Variants in PTPN13 observed in about 807,000 individuals in gnomAD.
PTPN13 encodes the protein protein tyrosine phosphatase non-receptor type 13.
Under a neutral mutation model 284.0 loss-of-function variants are expected in PTPN13, and 191 were observed. The observed-to-expected ratio is 0.67, with a 90% confidence interval of 0.60 to 0.76. The LOEUF (loss-of-function observed/expected upper bound fraction) is 0.76, where lower values mean the gene tolerates loss of function less well. PTPN13 is among the 30% of genes least tolerant of loss of function. The pLI, the probability that PTPN13 is intolerant of heterozygous loss-of-function variation, is 0.00. For missense variants in PTPN13, 2,797 were observed against 2,939.9 expected, an observed-to-expected ratio of 0.95 and a Z score of 1.12; for synonymous variants, 986 against 1,022.3, an observed-to-expected ratio of 0.96 and a Z score of 0.68.
At chr4:86,751,883 C>T (rs1737422928) in intron 19 of PTPN13, among the ~76,000 whole-genome samples, 1 of 151,882 alleles carries the variant, frequency 6.6e-6, no homozygotes, top group Non-Finnish European at 1.5e-5. Flanking sequence ...TTCAAATTCT[C>T]CCAGATAGCA....
In PTPN13 at chr4:86,701,833, T is replaced by C. The variant is rs199599085; in HGVS notation, c.1195+32T>C. On this transcript the variant is annotated intron_variant, in intron 7 of 47. Coordinates refer to ENST00000411767, the MANE Select transcript of PTPN13 (RefSeq NM_080683.3). ...AATTCTGTGCATGTTTGAGAAAGAA[T>C]TGAAGTATTTTAAATATTTTTTTGA... 1,440 of 1,528,780 alleles carry C rather than the reference T, an allele frequency of 9.4e-4. 7 individuals carry two copies. The African/African-American group carries it at 0.018, about 19-fold the overall frequency. 94.7% of individuals were successfully genotyped at this position (1,528,780 alleles called of 1,614,324 possible).
Position 86,772,926 on chromosome 4 carries a change from G to A in PTPN13, c.5317G>A (p.Asp1773Asn). ...AGAAAACTGGACACCTTTGAAAAAT[G>A]ACTTGGAAAATCACCTTGAAGACTT... ...RQENWTPLKN[D>N]LENHLEDFEL... The change falls in exon 32 of 48, where the codon GAC becomes AAC. Residue 1773 changes from aspartate to asparagine, a missense_variant. By Grantham distance (23) the Asp-to-Asn change is conservative. Transcript: ENST00000411767. 1 of 1,605,292 alleles carries A rather than the reference G, an allele frequency of 6.2e-7. No individual in the cohort carries two copies. The highest frequency in any genetic ancestry group is 2.2e-5 in the East Asian group (1 of 44,568).
chr4:86,667,419 TA>T (rs1727205910), intron 2 of PTPN13, among the ~76,000 whole-genome samples: 1 of 152,146 alleles, frequency 6.6e-6, no homozygotes, highest in South Asian at 2.1e-4. Context: ...TTTTTTTAAG[TA>T]GTAACAAAAC....
intron 32 of PTPN13, among the ~76,000 whole-genome samples, chr4:86,773,798 A>G (rs2149281547): frequency 6.6e-6 from 1 of 151,894 alleles, no homozygotes; most frequent in Non-Finnish European, 1.5e-5. Flanking sequence ...AATAATCTTT[A>G]ATTTTTCTTA....
Position 86,796,930 on chromosome 4 carries a change from G to A in PTPN13, c.6401+1G>A. The stretch of plus-strand genomic sequence containing the variant: ...GTGAAGAAAAAGTAAAAAGTGAAAG[G>A]TGAGAAAATAATTTTCAAAGTATCC... On this transcript the variant is annotated splice_donor_variant, in intron 41 of 47. Transcript: ENST00000411767. LOFTEE classifies it high-confidence loss of function. The A allele has an allele frequency of 6.8e-7, 1 of 1,468,518 alleles. No homozygotes were observed. Among genetic ancestry groups the A allele is most frequent in the Non-Finnish European group, 9.4e-7 (1 of 1,065,164 alleles). 91.0% of individuals were successfully genotyped at this position (1,468,518 alleles called of 1,614,324 possible). A position where few individuals can be genotyped will look rare whatever the true frequency, so the allele number is the denominator to read the frequency against.
chr4:86,771,418 G>C lies in PTPN13; in HGVS notation c.5051G>C (p.Ser1684Thr). ...AGTTCAGCTTTGCATCAGACTCTAA[G>C]CAACATGGTATCACAGGCACAGAGT... ...TWSSALHQTL[S>T]NMVSQAQSHH... is the part of the protein sequence containing the mutation. The change falls in exon 31 of 48, where the codon AGC (serine) becomes ACC (threonine). Residue 1684 changes from serine to threonine, a missense_variant. By Grantham distance (58) the Ser-to-Thr change is moderately conservative (BLOSUM62 1). Transcript: ENST00000411767. 1 of 1,566,430 alleles carries C rather than the reference G, an allele frequency of 6.4e-7. No homozygotes were observed. The highest frequency in any genetic ancestry group is 8.7e-7 in the Non-Finnish European group (1 of 1,154,316).
At chr4:86,762,585 A>G (rs571128081) in intron 23 of PTPN13, 142 bp from the exon 24 acceptor site, 399 of 651,660 alleles carry the variant, frequency 6.1e-4, no homozygotes, top group Non-Finnish European at 9.1e-4. Flanking sequence ...AAGCAAAGAA[A>G]GTCTACCAAA....
Position 86,701,711 on chromosome 4 carries a change from C to T in PTPN13, c.1105C>T (p.Pro369Ser), listed in dbSNP as rs890055668. 8.7e-6 allele frequency: 14 copies of T among 1,613,774 alleles called. No individual in the cohort carries two copies. The African/African-American group carries it at 9.3e-5, about 11-fold the overall frequency. ...MDPIYHTRELPTSSAISSALD... is the reference protein window; with the variant it reads ...MDPIYHTRELSTSSAISSALD... ...TCCAATATATCACACTCGAGAATTGCCCACCTCCTCAGCAATATCAAGTGC... is the reference window on the plus strand; with the variant it reads ...TCCAATATATCACACTCGAGAATTGTCCACCTCCTCAGCAATATCAAGTGC... The change falls in exon 7 of 48, where the codon CCC (proline) becomes TCC (serine). Residue 369 changes from proline to serine, a missense_variant. Transcript: ENST00000411767.
At chr4:86,642,446 CTTCTTTTTTTT>C (rs1449627541) in intron 2 of PTPN13, among the ~76,000 whole-genome samples, 18 of 63,570 alleles carry the variant, frequency 2.8e-4, no homozygotes, top group African/African-American at 8.9e-4. Flanking sequence ...TCTTCTTCTT[CTTCTTTTTTTT>C]TTTTTTTTTT....
intron 5 of PTPN13, chr4:86,689,660 C>T (rs1419388022): frequency 1.4e-6 from 1 of 702,262 alleles, no homozygotes; most frequent in African/African-American, 1.7e-5. Context: ...CTTCTCGGAA[C>T]ACTGCTACCT....
chr4:86,730,427 G>A lies in PTPN13; in HGVS notation c.1609-1973G>A, dbSNP rs544156580. ...TGGCCACAGAGGTGGAGTCTGTAGA[G>A]GAAGCAGGCCTTGCTGAGCTGCGGT... On this transcript the variant is annotated intron_variant, in intron 10 of 47. Transcript: ENST00000411767. Among the ~76,000 whole-genome samples, 45 of 150,020 alleles carry A rather than the reference G, an allele frequency of 3.0e-4. 2 individuals carry two copies. The South Asian group carries it at 5.7e-3, about 19-fold the overall frequency.
intron 5 of PTPN13, among the ~76,000 whole-genome samples, chr4:86,692,906 C>G (rs1011494015): frequency 5.9e-5 from 9 of 151,852 alleles, no homozygotes; most frequent in Admixed American, 5.9e-4. Context: ...ATGGTGAAAC[C>G]CTGTCTCTAC....
chr4:86,613,119 C>T (rs1229216154), intron 1 of PTPN13, among the ~76,000 whole-genome samples: 1 of 152,086 alleles, frequency 6.6e-6, no homozygotes, highest in African/African-American at 2.4e-5. Context: ...AGTAAATTGG[C>T]CCACTTTATA....
intron 46 of PTPN13, 50 bp downstream of exon 46, chr4:86,810,034 G>A: frequency 6.8e-7 from 1 of 1,468,446 alleles, no homozygotes. Flanking sequence ...AATAATGATG[G>A]AGTCTAATTT....
intron 1 of PTPN13, among the ~76,000 whole-genome samples, chr4:86,595,510 G>A (rs1269557282): frequency 2.0e-5 from 3 of 152,200 alleles, no homozygotes; most frequent in South Asian, 2.1e-4. Context: ...ATGGAGAGAG[G>A]AGGATGGGGA....
chr4:86,737,526 A>G (rs1735661239), intron 15 of PTPN13, among the ~76,000 whole-genome samples: 1 of 152,108 alleles, frequency 6.6e-6, no homozygotes. Context: ...GGCCCTTTAC[A>G]GAAAAGTTTA....
intron 1 of PTPN13, among the ~76,000 whole-genome samples, chr4:86,598,746 C>G (rs993675796): frequency 6.6e-6 from 1 of 151,896 alleles, no homozygotes. Context: ...TTAGAATCAC[C>G]TGGATAGCTT....
At chr4:86,782,734 A>C (rs1173291873) in intron 37 of PTPN13, among the ~76,000 whole-genome samples, 2 of 152,226 alleles carry the variant, frequency 1.3e-5, no homozygotes, top group Non-Finnish European at 2.9e-5. Flanking sequence ...CTTTTGAAAG[A>C]CTTAGAAAAT....
At chr4:86,711,739 C>A (rs1732448729) in intron 7 of PTPN13, among the ~76,000 whole-genome samples, 1 of 152,158 alleles carries the variant, frequency 6.6e-6, no homozygotes. Context: ...TGCAAACCAA[C>A]AAATTAGATA....
Sources: allele counts gnomAD v4.1 joint callset (sites outside exome capture counted in the v4.1 genomes callset), GRCh38; gene constraint gnomAD v4.1.1; transcripts MANE v1.5; gene names NCBI Gene and HGNC (gene_info 2026-07-23, HGNC 2026-07-21).